MRPL58: variants seen among roughly 807,000 people sequenced by gnomAD.
MRPL58 encodes the protein mitochondrial ribosomal protein L58.
MRPL58 carries 17 observed loss-of-function variants against 26.0 expected under a neutral mutation model. That is an observed-to-expected ratio of 0.65 (90% CI 0.45 to 0.98). The LOEUF (loss-of-function observed/expected upper bound fraction) is 0.98. Among genes scored for constraint, MRPL58 ranks in the 50% least tolerant of loss-of-function variants. The probability of loss-of-function intolerance (pLI) is 0.00; values close to 1 mark genes in which losing one functional copy is unlikely to be tolerated. For synonymous variants in MRPL58, 100 were observed against 99.7 expected (o/e 1.00, Z -0.02); for missense variants, 250 against 269.0 (o/e 0.93, Z 0.49).
rs757677258 is a variant in MRPL58 at position 75,012,674 on chromosome 17, G to A, written c.-13G>A. On this transcript the variant is annotated 5_prime_UTR_variant, in exon 1 of 6. Transcript: ENST00000301585. The stretch of plus-strand genomic sequence containing the variant: ...GAGGAAGCGCCCGCCGGAAGCAGTC[G>A]CAAGACCTGAGCATGGCGGCCACCA... The A allele has an allele frequency of 1.5e-5, 23 of 1,529,280 alleles. No homozygotes were observed. The highest frequency in any genetic ancestry group is 6.2e-5 in the Admixed American group (3 of 48,248). 94.7% of individuals were successfully genotyped at this position (1,529,280 alleles called of 1,614,324 possible). A position where few individuals can be genotyped will look rare whatever the true frequency, so the allele number is the denominator to read the frequency against.
At chr17:75,017,648 T>G (rs1026082864) in intron 2 of MRPL58, among the ~76,000 whole-genome samples, 3 of 152,128 alleles carry the variant, frequency 2.0e-5, no homozygotes, top group Non-Finnish European at 4.4e-5. Context: ...CTTGGGAGGC[T>G]GAGGCAGAAG....
chr17:75,019,636 A>G, intron 2 of MRPL58, 64 bp from the exon 3 acceptor site: 1 of 1,496,860 alleles, frequency 6.7e-7, no homozygotes, highest in Non-Finnish European at 9.3e-7. Flanking sequence ...CTCAGACACA[A>G]CAAGACTGCT....
intron 2 of MRPL58, among the ~76,000 whole-genome samples, chr17:75,017,537 T>C (rs2039983023): frequency 6.6e-6 from 1 of 152,120 alleles, no homozygotes. Context: ...TCATCCGAGG[T>C]CAGGAGTTCA....
Position 75,021,011 on chromosome 17 carries a change from C to T in MRPL58, c.*6C>T, listed in dbSNP as rs138852792. On this transcript the variant is annotated 3_prime_UTR_variant, in exon 6 of 6. Coordinates refer to ENST00000301585, the MANE Select transcript of MRPL58 (RefSeq NM_001545.3). ...GGAGGGTCGACATGGACTGAAATCA[C>T]CCTCTGCAGCTGGGAGGGCTCTTCT... is the stretch of plus-strand genomic sequence containing the variant. The T allele has an allele frequency of 2.1e-5, 33 of 1,605,448 alleles. 1 individual carries two copies. In the African/African-American group the frequency reaches 3.6e-4, roughly 18 times the overall value.
intron 2 of MRPL58, among the ~76,000 whole-genome samples, chr17:75,018,233 C>CT (rs11381155): frequency 0.41 from 59,960 of 146,782 alleles, 12,917 homozygotes; most frequent in African/African-American, 0.58. Context: ...TCTGAAATAT[C>CT]TTTTTTTTTT....
intron 1 of MRPL58, among the ~76,000 whole-genome samples, 181 bp downstream of exon 1, chr17:75,013,053 A>G (rs990935506): frequency 6.6e-6 from 1 of 152,076 alleles, no homozygotes; most frequent in Non-Finnish European, 1.5e-5. Flanking sequence ...GTAGCGCGAG[A>G]TGTGCAGGAG....
intron 3 of MRPL58, among the ~76,000 whole-genome samples, chr17:75,020,056 ATTTTT>A (rs35323952): frequency 1.6e-5 from 2 of 123,714 alleles, no homozygotes; most frequent in Admixed American, 8.2e-5. Context: ...CATTCCCTCC[ATTTTT>A]TTTTTTTTTT....
chr17:75,018,385 C>G (rs937607472), intron 2 of MRPL58, among the ~76,000 whole-genome samples: 4 of 152,056 alleles, frequency 2.6e-5, no homozygotes, highest in Non-Finnish European at 5.9e-5. Flanking sequence ...GTTCCCACCA[C>G]CACGCCCGGC....
rs368786552 is a variant in MRPL58 at position 75,012,703 on chromosome 17, G to A, written c.17G>A (p.Cys6Tyr). 1.3e-5 allele frequency: 20 copies of A among 1,559,232 alleles called. No homozygotes were observed. Among genetic ancestry groups the A allele is most frequent in the South Asian group, 1.1e-4 (9 of 85,254 alleles). The change falls in exon 1 of 6, where the codon TGC becomes TAC. Residue 6 changes from cysteine (C) to tyrosine (Y), a missense_variant. Cys to Tyr is a radical substitution (Grantham distance 194). Coordinates refer to ENST00000301585, the MANE Select transcript of MRPL58 (RefSeq NM_001545.3). ...GACCTGAGCATGGCGGCCACCAGGT[G>A]CCTGCGCTGGGGCCTGAGCCGAGCC... MAATR[C>Y]LRWGLSRAGV...
At position 75,020,346 on chromosome 17, in the gene MRPL58, C is replaced by G. The variant is rs1054491596; in HGVS notation, c.317C>G (p.Ala106Gly). The G allele has an allele frequency of 4.3e-6, 7 of 1,614,004 alleles. No homozygotes were observed. Among genetic ancestry groups the G allele is most frequent in the Admixed American group, 1.7e-5 (1 of 60,002 alleles). The change falls in exon 4 of 6, where the codon GCA (alanine) becomes GGA (glycine). Residue 106 changes from alanine (A) to glycine (G), a missense_variant. By Grantham distance (60) the Ala-to-Gly change is moderately conservative. Coordinates refer to ENST00000301585, the MANE Select transcript of MRPL58 (RefSeq NM_001545.3). ...NSKAEVRFHL[A>G]TAEWIAEPVR... is the part of the protein sequence containing the mutation. ...AAGGCAGAAGTCAGGTTCCATTTGG[C>G]AACTGCCGAGTGGATCGCGGAGCCC... is the stretch of plus-strand genomic sequence containing the variant.
chr17:75,020,863 C>G, intron 5 of MRPL58, 58 bp from the exon 6 acceptor site: 2 of 1,434,406 alleles, frequency 1.4e-6, no homozygotes, highest in Non-Finnish European at 2.0e-6. Flanking sequence ...ACTCCTCTCA[C>G]CACTTTGAAA....
Position 75,021,096 on chromosome 17 carries a change from CT to C in MRPL58, c.*96del, listed in dbSNP as rs1567981711. The C allele has an allele frequency of 1.2e-6, 1 of 842,320 alleles. No homozygotes were observed. The highest frequency in any genetic ancestry group is 2.0e-6 in the Non-Finnish European group (1 of 500,412). 52.2% of individuals were successfully genotyped at this position (842,320 alleles called of 1,614,324 possible). A position where few individuals can be genotyped will look rare whatever the true frequency, so the allele number is the denominator to read the frequency against. On this transcript the variant is annotated 3_prime_UTR_variant, in exon 6 of 6. Coordinates refer to ENST00000301585, the MANE Select transcript of MRPL58 (RefSeq NM_001545.3). ...ACACCATAAGGAGATTTCTGTTTTT[CT>C]TTTTGGCTGTTAATGCTTGTCTATA...
rs1413631617 is a variant in MRPL58 at position 75,019,769 on chromosome 17, G to A, written c.283+10G>A. On this transcript the variant is annotated intron_variant, in intron 3 of 5. Coordinates refer to ENST00000301585, the MANE Select transcript of MRPL58 (RefSeq NM_001545.3). ...CAGAATGTGAACAAAGGTACGGGGT[G>A]CCTTGTTGCTTTCTTTTGCTTTAAA... is the stretch of plus-strand genomic sequence containing the variant. 1.3e-5 allele frequency: 21 copies of A among 1,585,560 alleles called. No homozygotes were observed. Among genetic ancestry groups the A allele is most frequent in the Non-Finnish European group, 1.8e-5 (21 of 1,160,302 alleles).
At chr17:75,014,178 CCTTT>C (rs1160055354) in intron 1 of MRPL58, among the ~76,000 whole-genome samples, 53 of 126,680 alleles carry the variant, frequency 4.2e-4, no homozygotes, top group African/African-American at 1.4e-3. Flanking sequence ...AAGTCTGGGG[CCTTT>C]TTTTTTTTTT....
intron 1 of MRPL58, among the ~76,000 whole-genome samples, chr17:75,013,445 C>T (rs2039948988): frequency 6.6e-6 from 1 of 152,216 alleles, no homozygotes; most frequent in Admixed American, 6.5e-5. Context: ...TTCACTCACT[C>T]ACTCAACAAA....
chr17:75,016,981 T>C (rs2144884159), intron 1 of MRPL58, 97 bp from the exon 2 acceptor site: 1 of 886,144 alleles, frequency 1.1e-6, no homozygotes. Context: ...GTACAATGTT[T>C]GTGTTGTGGC....
In MRPL58 at chr17:75,021,035, C is replaced by G; in HGVS notation, c.*30C>G. ...ACCCTCTGCAGCTGGGAGGGCTCTT[C>G]TGGGCGTCCGGGCAGCTGCAGCTGA... On this transcript the variant is annotated 3_prime_UTR_variant, in exon 6 of 6. Coordinates refer to ENST00000301585, the MANE Select transcript of MRPL58 (RefSeq NM_001545.3). 2.7e-6 allele frequency: 4 copies of G among 1,498,250 alleles called. No individual in the cohort carries two copies. Among genetic ancestry groups the G allele is most frequent in the Non-Finnish European group, 3.7e-6 (4 of 1,074,366 alleles). The allele number at this position is 1,498,250 out of a possible 1,614,324, so 92.8% of individuals were successfully genotyped here.
At position 75,013,010 on chromosome 17, in the gene MRPL58, T is replaced by G. The variant is rs548266565; in HGVS notation, c.186+138T>G. The G allele has an allele frequency of 6.8e-4, 516 of 761,162 alleles. 6 individuals carry two copies. The East Asian group carries it at 0.015, about 22-fold the overall frequency. The allele number at this position is 761,162 out of a possible 1,614,324, so 47.2% of individuals were successfully genotyped here. ...TCGCCGCGGGAGGGGGCTGGCTGTC[T>G]GCGCTAACCTGGCCGGGAGTGGGGT... On this transcript the variant is annotated intron_variant, in intron 1 of 5. Transcript: ENST00000301585.
intron 3 of MRPL58, 114 bp from the exon 4 acceptor site, chr17:75,020,199 T>G: frequency 3.6e-6 from 3 of 824,344 alleles, no homozygotes; most frequent in Non-Finnish European, 6.2e-6. Flanking sequence ...GGCTACAATG[T>G]ACATGGTTAG....
Sources: gnomAD v4.1 joint callset for allele counts (sites outside exome capture counted in the v4.1 genomes callset) on GRCh38, gnomAD v4.1.1 for gene constraint, MANE v1.5 for transcripts, NCBI Gene and HGNC (gene_info 2026-07-23, HGNC 2026-07-21) for gene names.